Variants in NFATC1 observed in about 807,000 individuals in gnomAD.
NFATC1 encodes nuclear factor of activated T cells 1.
Under a neutral mutation model 76.0 loss-of-function variants are expected in NFATC1, and 22 were observed. The ratio of observed to expected loss-of-function variants is 0.29; its 90% confidence interval spans 0.21 to 0.41. The LOEUF (loss-of-function observed/expected upper bound fraction) is 0.41, where lower values mean the gene tolerates loss of function less well. Ranked by LOEUF, NFATC1 falls within the 10% of genes least tolerant of loss-of-function variation. NFATC1 has a pLI of 1.00. For missense variants in NFATC1, 1,357 were observed against 1,337.7 expected, an observed-to-expected ratio of 1.01 and a Z score of -0.23; for synonymous variants, 704 against 613.1, an observed-to-expected ratio of 1.15 and a Z score of -2.19.
chr18:79,506,609 A>G (rs1204280923), intron 9 of NFATC1, among the ~76,000 whole-genome samples: 3 of 152,256 alleles, frequency 2.0e-5, no homozygotes, highest in African/African-American at 7.2e-5. Context: ...TCCCTGGACC[A>G]TGTCCTGTAG....
chr18:79,420,351 T>A (rs2086036024), intron 2 of NFATC1, among the ~76,000 whole-genome samples: 1 of 144,774 alleles, frequency 6.9e-6, no homozygotes, highest in Non-Finnish European at 1.5e-5. Flanking sequence ...GGGGGACACG[T>A]TTCCAGGTGA....
In NFATC1 at chr18:79,396,261, C is replaced by T; in HGVS notation, c.37C>T (p.Pro13Ser). The T allele has an allele frequency of 2.0e-6, 3 of 1,489,552 alleles. No individual in the cohort carries two copies. The highest frequency in any genetic ancestry group is 2.7e-6 in the Non-Finnish European group (3 of 1,111,898). The allele number at this position is 1,489,552 out of a possible 1,614,324, so 92.3% of individuals were successfully genotyped here. ...STSFPVPSKF[P>S]LGPAAAVFGR... ...CAGCTTTCCAGTCCCTTCCAAGTTT[C>T]CACTTGGCCCTGCGGCTGCGGTCTT... The change falls in exon 1 of 10, where the codon CCA becomes TCA. Residue 13 changes from proline to serine, a missense_variant. Coordinates refer to ENST00000427363, the MANE Select transcript of NFATC1 (RefSeq NM_001278669.2).
intron 9 of NFATC1, among the ~76,000 whole-genome samples, chr18:79,494,084 C>T (rs988038254): frequency 1.3e-5 from 2 of 152,248 alleles, no homozygotes; most frequent in African/African-American, 2.4e-5. Flanking sequence ...AACCTGTGCG[C>T]CAGGCAGCGT....
At chr18:79,430,447 A>G (rs1031318064) in intron 2 of NFATC1, among the ~76,000 whole-genome samples, 1 of 152,100 alleles carries the variant, frequency 6.6e-6, no homozygotes, top group African/African-American at 2.4e-5. Context: ...CAGTGGTGCA[A>G]TTTCGGCTCA....
intron 9 of NFATC1, among the ~76,000 whole-genome samples, chr18:79,525,695 C>T (rs1418358796): frequency 1.3e-5 from 2 of 152,178 alleles, no homozygotes; most frequent in Non-Finnish European, 2.9e-5. Flanking sequence ...GACTGGAGTC[C>T]TTTCTTTTGG....
Position 79,527,539 on chromosome 18 carries a change from A to T in NFATC1, c.2794A>T (p.Ile932Leu). 6.2e-7 allele frequency: 1 copy of T among 1,613,968 alleles called. No individual in the cohort carries two copies. Among genetic ancestry groups the T allele is most frequent in the Non-Finnish European group, 8.5e-7 (1 of 1,179,896 alleles). ...QLYLDDVNEI[I>L]RNDLSSTSTH... ...TTCTTTTCTTACAGTAAATGAAATAATACGAAATGACCTCTCCAGCACGAG... is the reference window on the plus strand; with the variant it reads ...TTCTTTTCTTACAGTAAATGAAATATTACGAAATGACCTCTCCAGCACGAG... The change falls in exon 10 of 10, where the codon ATA (isoleucine) becomes TTA (leucine). Residue 932 changes from isoleucine to leucine, a missense_variant. Ile to Leu is a conservative substitution (Grantham distance 5). This residue lies in a region of NFATC1 where 424 missense variants were observed against 395.4 expected (regional missense o/e 1.07). Transcript: ENST00000427363.
intron 3 of NFATC1, among the ~76,000 whole-genome samples, chr18:79,444,441 A>T (rs534119629): frequency 2.8e-5 from 4 of 144,628 alleles, no homozygotes; most frequent in East Asian, 2.0e-4. Context: ...CCCCGAGCCC[A>T]CGCTGCTCTG....
At chr18:79,489,763 T>C (rs2089623013) in intron 9 of NFATC1, among the ~76,000 whole-genome samples, 1 of 152,194 alleles carries the variant, frequency 6.6e-6, no homozygotes, top group South Asian at 2.1e-4. Flanking sequence ...CCTGGGACCT[T>C]GAGCACAGAC....
intron 3 of NFATC1, among the ~76,000 whole-genome samples, chr18:79,435,347 T>TTTG (rs56087199): frequency 0.45 from 41,182 of 90,914 alleles, 6,100 homozygotes; most frequent in African/African-American, 0.52. Context: ...TTTTTTGGTT[T>TTTG]GTTTGTTTTT....
Position 79,465,972 on chromosome 18 carries a change from A to T in NFATC1, c.1960-1478A>T, listed in dbSNP as rs2088472971. ...TCTGATGCGGGGCAAAGGCAGGAAG[A>T]CGCCCATGTGCCATGGCTTCTGCTT... On this transcript the variant is annotated intron_variant, in intron 7 of 9. Coordinates refer to ENST00000427363, the MANE Select transcript of NFATC1 (RefSeq NM_001278669.2). The surrounding 1 kb of genome is among the most constrained non-coding windows in gnomAD (Gnocchi z 4.2). Among the ~76,000 whole-genome samples, 1 of 152,194 alleles carries T rather than the reference A, an allele frequency of 6.6e-6. No individual in the cohort carries two copies. The highest frequency in any genetic ancestry group is 6.5e-5 in the Admixed American group (1 of 15,286).
intron 1 of NFATC1, among the ~76,000 whole-genome samples, chr18:79,404,771 C>T (rs894561546): frequency 2.6e-5 from 4 of 152,158 alleles, no homozygotes; most frequent in Non-Finnish European, 5.9e-5. Context: ...CTGCCCTGCG[C>T]ACAGCGAGTG....
chr18:79,425,099 A>C (rs1485101490), intron 2 of NFATC1, among the ~76,000 whole-genome samples: 163 of 65,558 alleles, frequency 2.5e-3, no homozygotes, highest in African/African-American at 3.0e-3. Flanking sequence ...CTGTCTCTCC[A>C]TCTCTCTGTC....
intron 2 of NFATC1, among the ~76,000 whole-genome samples, chr18:79,413,229 A>G (rs978881440): frequency 1.3e-5 from 2 of 152,216 alleles, no homozygotes; most frequent in Non-Finnish European, 2.9e-5. Context: ...GGGACTTGGC[A>G]TGAGGAGTGT....
At chr18:79,398,003 G>A (rs1453775265) in intron 1 of NFATC1, among the ~76,000 whole-genome samples, 2 of 152,140 alleles carry the variant, frequency 1.3e-5, no homozygotes, top group African/African-American at 2.4e-5. Flanking sequence ...ATGGGGACAC[G>A]CGTGGTTTCC....
chr18:79,464,710 AT>A (rs1183533737), intron 7 of NFATC1, among the ~76,000 whole-genome samples: 984 of 91,998 alleles, frequency 0.011, 75 homozygotes, highest in Admixed American at 0.076. Context: ...TTATTTATTT[AT>A]TTTTTTTTTT....
rs62096934 is a variant in NFATC1, at chr18:79,527,249, G to A, written c.2783-279G>A. On this transcript the variant is annotated intron_variant, in intron 9 of 9. Transcript: ENST00000427363. ...AGCCACAGCATCTTCCCAGCATCGC[G>A]GCCGGCACCTGGCACCTGCACTTTG... The A allele has an allele frequency of 6.5e-3, 2,456 of 376,696 alleles. 16 individuals are homozygous for A. Among genetic ancestry groups the A allele is most frequent in the Non-Finnish European group, 8.9e-3 (1,815 of 204,822 alleles). 23.3% of individuals were successfully genotyped at this position (376,696 alleles called of 1,614,324 possible).
Position 79,528,806 on chromosome 18 carries a change from T to C in NFATC1, c.*1229T>C, listed in dbSNP as rs9518. The C allele has an allele frequency of 0.35, 53,554 of 152,436 alleles. 14,321 individuals are homozygous for C. The highest frequency in any genetic ancestry group is 0.76 in the African/African-American group (31,387 of 41,496). The allele number at this position is 152,436 out of a possible 1,614,324, so 9.4% of individuals were successfully genotyped here. ...ATGAGTTACTGTTAACAGGTAGGTT[T>C]GTGTAGGCCTTGCTGGGCACTCTGT... On this transcript the variant is annotated 3_prime_UTR_variant, in exon 10 of 10. Coordinates refer to ENST00000427363, the MANE Select transcript of NFATC1 (RefSeq NM_001278669.2).
intron 2 of NFATC1, among the ~76,000 whole-genome samples, chr18:79,414,518 G>T (rs1186323138): frequency 6.6e-6 from 1 of 152,168 alleles, no homozygotes; most frequent in African/African-American, 2.4e-5. Context: ...GGCCCACAAT[G>T]GTCAAAGAAC....
intron 3 of NFATC1, among the ~76,000 whole-genome samples, chr18:79,440,530 C>T (rs908454001): frequency 8.5e-5 from 13 of 152,366 alleles, no homozygotes; most frequent in African/African-American, 2.6e-4. Flanking sequence ...CCTGCTTCCC[C>T]GCAGACACCG....
Sources: gnomAD v4.1 joint callset for allele counts (sites outside exome capture counted in the v4.1 genomes callset) on GRCh38, gnomAD v4.1.1 for gene constraint, gnomAD v4.1.1 regional missense constraint, Gnocchi (gnomAD v3.1) non-coding constraint, MANE v1.5 for transcripts, NCBI Gene and HGNC (gene_info 2026-07-23, HGNC 2026-07-21) for gene names.